The following FAM76B variants were observed in gnomAD, a reference collection of about 807,000 sequenced individuals.
FAM76B encodes the protein family with sequence similarity 76 member B.
A neutral mutation model predicts 51.8 loss-of-function variants in FAM76B; 16 were observed. That is an observed-to-expected ratio of 0.31 (90% CI 0.21 to 0.47). The LOEUF is 0.47. FAM76B is among the 20% of genes least tolerant of loss of function. The pLI is 1.00. For missense variants in FAM76B, 342 were observed against 392.6 expected, an observed-to-expected ratio of 0.87 and a Z score of 1.09; for synonymous variants, 166 against 129.5, an observed-to-expected ratio of 1.28 and a Z score of -1.91.
chr11:95,771,779 A>C (rs1859778138), intron 9 of FAM76B, 129 bp from the exon 10 acceptor site: 3 of 675,178 alleles, frequency 4.4e-6, no homozygotes, highest in African/African-American at 1.9e-5. Context: ...CATTAAATGA[A>C]AGAGTTGATA....
intron 9 of FAM76B, among the ~76,000 whole-genome samples, chr11:95,771,874 T>G (rs1470434982): frequency 6.6e-6 from 1 of 151,092 alleles, no homozygotes; most frequent in Non-Finnish European, 1.5e-5. Context: ...ATGTCATTAT[T>G]AATATAATTG....
chr11:95,771,578 T>C lies in FAM76B; in HGVS notation c.1003A>G (p.Ile335Val). Residue 335 changes from isoleucine to valine, a missense_variant, in exon 10 of 10, where the codon ATA (isoleucine) becomes GTA (valine). Physicochemically the swap from Ile to Val is conservative, Grantham distance 29. Transcript: ENST00000358780. The part of the protein sequence containing the change: ...KGKKFDKSGS[I>V]LTSP ...TGACTTTCTCAAGGAGATGTTAGTATGCTTCCACTTTTGTCAAATTTTTTA... is the reference window on the plus strand; with the variant it reads ...TGACTTTCTCAAGGAGATGTTAGTACGCTTCCACTTTTGTCAAATTTTTTA... The C allele has an allele frequency of 6.2e-7, 1 of 1,606,516 alleles. No individual in the cohort carries two copies. Among genetic ancestry groups the C allele is most frequent in the Non-Finnish European group, 8.5e-7 (1 of 1,174,582 alleles).
At chr11:95,786,930 T>C (rs1234882672) in intron 3 of FAM76B, 2 of 152,232 alleles carry the variant, frequency 1.3e-5, no homozygotes, top group African/African-American at 4.8e-5. Context: ...TGTACTAGGA[T>C]TGGGTCATGA....
chr11:95,786,022 A>G (rs1025850441), intron 4 of FAM76B, 97 bp downstream of exon 4: 2 of 1,429,418 alleles, frequency 1.4e-6, no homozygotes, highest in Non-Finnish European at 9.5e-7. Context: ...GGACCTAAAG[A>G]ATAGATCCAG....
In FAM76B at chr11:95,779,540, A is replaced by G. The variant is rs140440231; in HGVS notation, c.692+67T>C. 1.2e-3 allele frequency: 1,543 copies of G among 1,291,550 alleles called. 20 individuals are homozygous for G. In the African/African-American group the frequency reaches 0.02, roughly 17 times the overall value. The allele number at this position is 1,291,550 out of a possible 1,614,324, so 80.0% of individuals were successfully genotyped here. On this transcript the variant is annotated intron_variant, in intron 7 of 9. Transcript: ENST00000358780. ...GTTTCTATTTTTTTATCTAGTAATA[A>G]CTGGCATTCAACCATAACTATTCAA...
At chr11:95,774,791 A>G (rs117232211) in intron 9 of FAM76B, among the ~76,000 whole-genome samples, 2,374 of 151,438 alleles carry the variant, frequency 0.016, 19 homozygotes, top group Non-Finnish European at 0.024. Context: ...CTAGTCAACA[A>G]ATTATTTGAA....
intron 6 of FAM76B, 41 bp downstream of exon 6, chr11:95,779,838 T>A: frequency 6.3e-7 from 1 of 1,583,348 alleles, no homozygotes; most frequent in Non-Finnish European, 8.6e-7. Context: ...TTTATAAATA[T>A]ACATTTCAAA....
intron 4 of FAM76B, 107 bp from the exon 5 acceptor site, chr11:95,783,371 C>T (rs1173683119): frequency 5.6e-6 from 5 of 898,188 alleles, no homozygotes; most frequent in Non-Finnish European, 8.6e-6. Context: ...ACGTAACATG[C>T]ACAAATGCAT....
rs1332847385 is a variant in FAM76B, at chr11:95,789,776, T to G, written c.-298A>C. The stretch of plus-strand genomic sequence containing the variant: ...GGGTTGCTGTTTAGCTGTGCGGCCG[T>G]GGATCCGCTTCCTTCTCGGCCTCCC... On this transcript the variant is annotated 5_prime_UTR_variant, in exon 1 of 10. Coordinates refer to ENST00000358780, the MANE Select transcript of FAM76B (RefSeq NM_144664.5). 1 of 345,244 alleles carries G rather than the reference T, an allele frequency of 2.9e-6. No homozygotes were observed. Among genetic ancestry groups the G allele is most frequent in the South Asian group, 7.0e-5 (1 of 14,332 alleles). The allele number at this position is 345,244 out of a possible 1,614,324, so 21.4% of individuals were successfully genotyped here. A position where few individuals can be genotyped will look rare whatever the true frequency, so the allele number is the denominator to read the frequency against.
chr11:95,786,406 T>A lies in FAM76B; in HGVS notation c.208-132A>T, dbSNP rs1860591697. 3.0e-6 allele frequency: 3 copies of A among 1,000,860 alleles called. No individual in the cohort carries two copies. In the Admixed American group the frequency reaches 8.4e-5, roughly 28 times the overall value. The allele number at this position is 1,000,860 out of a possible 1,614,324, so 62.0% of individuals were successfully genotyped here. On this transcript the variant is annotated intron_variant, in intron 3 of 9. Transcript: ENST00000358780. ...AAAATTTGTTTTCTGTCAAGTTTGT[T>A]GCCCTGTCACATGCAATAACTTTTA...
chr11:95,772,756 A>G (rs1185812033), intron 9 of FAM76B, among the ~76,000 whole-genome samples: 1 of 151,054 alleles, frequency 6.6e-6, no homozygotes, highest in Non-Finnish European at 1.5e-5. Context: ...TCTGTATGCC[A>G]TCTTAAAGTG....
At position 95,771,605 on chromosome 11, in the gene FAM76B, C is replaced by A; in HGVS notation, c.976G>T (p.Gly326Cys). 1 of 1,607,144 alleles carries A rather than the reference C, an allele frequency of 6.2e-7. No individual in the cohort carries two copies. The highest frequency in any genetic ancestry group is 1.1e-5 in the South Asian group (1 of 90,796). The change falls in exon 10 of 10, where the codon GGT becomes TGT. Residue 326 changes from glycine (G) to cysteine (C), a missense_variant. Gly to Cys is a radical substitution (Grantham distance 159). Coordinates refer to ENST00000358780, the MANE Select transcript of FAM76B (RefSeq NM_144664.5). The part of the protein sequence containing the change: ...LLKQVAALSK[G>C]KKFDKSGSIL... The stretch of plus-strand genomic sequence containing the variant: ...CTTCCACTTTTGTCAAATTTTTTAC[C>A]CTTTGATAATGCTGCGACCTGTTTG...
intron 8 of FAM76B, among the ~76,000 whole-genome samples, chr11:95,776,942 C>A (rs1390921742): frequency 6.7e-6 from 1 of 150,080 alleles, no homozygotes; most frequent in African/African-American, 2.4e-5. Flanking sequence ...AAAAAAAAAA[C>A]CCTTGCTTTT....
intron 5 of FAM76B, among the ~76,000 whole-genome samples, chr11:95,780,253 C>T (rs1565289893): frequency 1.3e-5 from 2 of 151,826 alleles, no homozygotes; most frequent in Non-Finnish European, 2.9e-5. Flanking sequence ...ACTTTGGCTG[C>T]CCTTACTATT....
Position 95,789,647 on chromosome 11 carries a change from C to T in FAM76B, c.-169G>A. On this transcript the variant is annotated 5_prime_UTR_variant, in exon 1 of 10. It adds an upstream start codon to the 5' untranslated region. Transcript: ENST00000358780. ...GCCCAGGGCCCCGCGGACGACGCCA[C>T]CGTCTCCCTCCGCCTCCACTTCCGC... 1 of 536,774 alleles carries T rather than the reference C, an allele frequency of 1.9e-6. No homozygotes were observed. The highest frequency in any genetic ancestry group is 3.4e-5 in the East Asian group (1 of 29,214). 33.3% of individuals were successfully genotyped at this position (536,774 alleles called of 1,614,324 possible).
chr11:95,787,722 A>G (rs1860679173), intron 2 of FAM76B, 44 bp from the exon 3 acceptor site: 6 of 1,474,260 alleles, frequency 4.1e-6, no homozygotes, highest in African/African-American at 1.4e-5. Context: ...GTAGCTTTCT[A>G]AAGTAATTAG....
At chr11:95,789,350 G>A (rs544476648) in intron 1 of FAM76B, 42 bp downstream of exon 1, 3 of 1,552,946 alleles carry the variant, frequency 1.9e-6, no homozygotes, top group East Asian at 2.4e-5. Context: ...TCCGGCTACG[G>A]CCGAGGACAC....
At chr11:95,774,364 C>A (rs1216374331) in intron 9 of FAM76B, among the ~76,000 whole-genome samples, 1 of 151,356 alleles carries the variant, frequency 6.6e-6, no homozygotes, top group Non-Finnish European at 1.5e-5. Flanking sequence ...CATGAAACTT[C>A]AATTACCAAG....
At chr11:95,776,240 C>T (rs61902243) in intron 8 of FAM76B, among the ~76,000 whole-genome samples, 9,864 of 151,400 alleles carry the variant, frequency 0.065, 411 homozygotes, top group Middle Eastern at 0.13. Flanking sequence ...ACCTGACCAT[C>T]AGTAAAACTT....
Sources: allele counts gnomAD v4.1 joint callset (sites outside exome capture counted in the v4.1 genomes callset), GRCh38; gene constraint gnomAD v4.1.1; transcripts MANE v1.5; gene names NCBI Gene and HGNC (gene_info 2026-07-23, HGNC 2026-07-21).